COQ8A: variants seen among roughly 807,000 people sequenced by gnomAD.
The protein encoded by COQ8A is atypical kinase COQ8A, mitochondrial.
COQ8A carries 51 observed loss-of-function variants against 65.0 expected under a neutral mutation model. The ratio of observed to expected loss-of-function variants is 0.78; its 90% CI spans 0.63 to 0.99. COQ8A has a LOEUF of 0.99. Ranked by LOEUF, COQ8A falls within the 50% of genes least tolerant of loss-of-function variation. The pLI is 0.00. For missense variants in COQ8A, 940 were observed against 875.0 expected (o/e 1.07, Z -0.94); for synonymous variants, 371 against 353.2 (o/e 1.05, Z -0.57).
At chr1:226,979,056 C>T (rs1018121312) in intron 5 of COQ8A, among the ~76,000 whole-genome samples, 1 of 152,186 alleles carries the variant, frequency 6.6e-6, no homozygotes, top group Non-Finnish European at 1.5e-5. Flanking sequence ...TGGGGACAGG[C>T]GAGGTGTGCA....
intron 4 of COQ8A, among the ~76,000 whole-genome samples, chr1:226,971,362 C>A (rs1658901989): frequency 6.6e-6 from 1 of 152,020 alleles, no homozygotes; most frequent in Non-Finnish European, 1.5e-5. Flanking sequence ...ACGATCCTGG[C>A]TAACACGGTG....
chr1:226,969,810 A>C (rs921270909), intron 4 of COQ8A, among the ~76,000 whole-genome samples: 3 of 152,146 alleles, frequency 2.0e-5, no homozygotes, highest in African/African-American at 7.2e-5. Context: ...GAGAATATTT[A>C]GTCCATTTAC....
At chr1:226,981,404 C>G (rs751036653) in intron 5 of COQ8A, among the ~76,000 whole-genome samples, 8 of 152,268 alleles carry the variant, frequency 5.3e-5, no homozygotes, top group Non-Finnish European at 1.2e-4. Context: ...CTTGGGGTCA[C>G]TGCATGCTCA....
intron 4 of COQ8A, 135 bp downstream of exon 4, chr1:226,965,872 A>T (rs1418577797): frequency 3.2e-5 from 29 of 908,386 alleles, no homozygotes; most frequent in South Asian, 1.4e-4. Context: ...CCGCCCCTGC[A>T]TGAGCTTTTG....
intron 2 of COQ8A, 151 bp downstream of exon 2, chr1:226,961,713 G>T (rs1658266478): frequency 2.1e-6 from 2 of 956,748 alleles, no homozygotes. Context: ...GTCCTTCCAG[G>T]GTGGGACAGG....
intron 2 of COQ8A, among the ~76,000 whole-genome samples, chr1:226,963,560 C>T (rs2490269): frequency 1.3e-5 from 2 of 152,218 alleles, no homozygotes; most frequent in Non-Finnish European, 2.9e-5. Flanking sequence ...CACTGTCAAG[C>T]CTTCCCTGGG....
chr1:226,979,440 T>A (rs1385720503), intron 5 of COQ8A, among the ~76,000 whole-genome samples: 1 of 152,130 alleles, frequency 6.6e-6, no homozygotes, highest in East Asian at 1.9e-4. Context: ...GCCTGGGGTG[T>A]GGAGAGCAGT....
In COQ8A at chr1:226,983,189, G is replaced by A. The variant is rs557138459; in HGVS notation, c.1080+155G>A. On this transcript the variant is annotated intron_variant, in intron 8 of 14. Coordinates refer to ENST00000366777, the MANE Select transcript of COQ8A (RefSeq NM_020247.5). ...TGTCTTCTGGCCCCAGTGCCTGGACGGCACCAGAAGCTTGGGAAGTATTTG... is the reference window on the plus strand; with the variant it reads ...TGTCTTCTGGCCCCAGTGCCTGGACAGCACCAGAAGCTTGGGAAGTATTTG... 94 of 1,173,392 alleles carry A rather than the reference G, an allele frequency of 8.0e-5. 2 individuals are homozygous for A. The South Asian group carries it at 1.4e-3, about 17-fold the overall frequency. The allele number at this position is 1,173,392 out of a possible 1,614,324, so 72.7% of individuals were successfully genotyped here.
intron 5 of COQ8A, among the ~76,000 whole-genome samples, chr1:226,981,461 G>A (rs1272191140): frequency 6.6e-6 from 1 of 152,272 alleles, no homozygotes; most frequent in Non-Finnish European, 1.5e-5. Context: ...CTCTGTGGGT[G>A]GACGGGAGAG....
intron 9 of COQ8A, 57 bp downstream of exon 9, chr1:226,983,690 G>C (rs1659860012): frequency 6.2e-7 from 1 of 1,612,286 alleles, no homozygotes; most frequent in South Asian, 1.1e-5. Context: ...ATCTGTGTTG[G>C]GTTCTGGGGA....
intron 5 of COQ8A, among the ~76,000 whole-genome samples, chr1:226,981,070 T>G (rs1659656358): frequency 6.6e-6 from 1 of 152,142 alleles, no homozygotes; most frequent in Admixed American, 6.5e-5. Context: ...GAGATCTAAC[T>G]AGATTCACAG....
intron 4 of COQ8A, 118 bp from the exon 5 acceptor site, chr1:226,977,331 A>T (rs1313086554): frequency 4.5e-6 from 4 of 889,832 alleles, no homozygotes; most frequent in Non-Finnish European, 6.9e-6. Flanking sequence ...CTGGTGTGGC[A>T]GCGAGGGCCC....
At chr1:226,971,544 CA>C (rs543279579) in intron 4 of COQ8A, among the ~76,000 whole-genome samples, 1 of 144,366 alleles carries the variant, frequency 6.9e-6, no homozygotes, top group Non-Finnish European at 1.5e-5. Flanking sequence ...AGCTCCATCT[CA>C]AAAAGAAAAA....
At chr1:226,981,746 C>G (rs1192724579) in intron 5 of COQ8A, among the ~76,000 whole-genome samples, 1 of 152,174 alleles carries the variant, frequency 6.6e-6, no homozygotes, top group Non-Finnish European at 1.5e-5. Context: ...CGCCAGGTCC[C>G]CATATGGAAG....
At chr1:226,983,729 C>G in intron 9 of COQ8A, 32 bp from the exon 10 acceptor site, 2 of 1,612,968 alleles carry the variant, frequency 1.2e-6, no homozygotes, top group Non-Finnish European at 1.7e-6. Flanking sequence ...GCAGAGCCCC[C>G]TTCCTCGCTG....
At chr1:226,952,205 C>T (rs977511699) in intron 1 of COQ8A, among the ~76,000 whole-genome samples, 1 of 152,126 alleles carries the variant, frequency 6.6e-6, no homozygotes, top group Non-Finnish European at 1.5e-5. Flanking sequence ...TTTCCATCCG[C>T]CTGGTGGCCT....
At chr1:226,962,387 G>A (rs569049494) in intron 2 of COQ8A, among the ~76,000 whole-genome samples, 3 of 152,362 alleles carry the variant, frequency 2.0e-5, no homozygotes, top group Admixed American at 1.3e-4. Flanking sequence ...ATCGTGTGCT[G>A]GAGAGGTGAC....
At chr1:226,960,436 G>GGTGGTGGCA in intron 1 of COQ8A, among the ~76,000 whole-genome samples, 1 of 151,902 alleles carries the variant, frequency 6.6e-6, no homozygotes, top group Non-Finnish European at 1.5e-5. Context: ...GGTGGTACTT[G>GGTGGTGGCA]GTGGTACTTG....
At position 226,983,645 on chromosome 1, in the gene COQ8A, G is replaced by A. The variant is rs200060496; in HGVS notation, c.1162+12G>A. On this transcript the variant is annotated intron_variant, in intron 9 of 14. Coordinates refer to ENST00000366777, the MANE Select transcript of COQ8A (RefSeq NM_020247.5). ...CATGCTTCCAGAAGGTCTGAGGCTA[G>A]GTGGTTGGGTCAAGGGCAGGAGTGG... 126 of 1,613,742 alleles carry A rather than the reference G, an allele frequency of 7.8e-5. No individual in the cohort carries two copies. The highest frequency in any genetic ancestry group is 1.0e-4 in the Non-Finnish European group (122 of 1,179,960).
Sources: gnomAD v4.1 joint callset for allele counts (sites outside exome capture counted in the v4.1 genomes callset) on GRCh38, gnomAD v4.1.1 for gene constraint, MANE v1.5 for transcripts, NCBI Gene and HGNC (gene_info 2026-07-23, HGNC 2026-07-21) for gene names.